The following PTPN21 variants were observed in gnomAD, a reference collection of about 807,000 sequenced individuals.
The protein encoded by PTPN21 is tyrosine-protein phosphatase non-receptor type 21.
A neutral mutation model predicts 131.8 loss-of-function variants in PTPN21; 77 were observed. That is an observed-to-expected ratio of 0.58 (90% CI 0.49 to 0.71). The LOEUF (loss-of-function observed/expected upper bound fraction) is 0.71, where lower values mean the gene tolerates loss of function less well. Ranked by LOEUF, PTPN21 falls within the 30% of genes least tolerant of loss-of-function variation. The pLI is 0.00. For synonymous variants in PTPN21, 715 were observed against 621.3 expected, an observed-to-expected ratio of 1.15 and a Z score of -2.24; for missense variants, 1,552 against 1,527.1, an observed-to-expected ratio of 1.02 and a Z score of -0.27.
intron 10 of PTPN21, among the ~76,000 whole-genome samples, chr14:88,491,652 A>C (rs1172782324): frequency 4.6e-5 from 7 of 152,244 alleles, no homozygotes; most frequent in Non-Finnish European, 8.8e-5. Flanking sequence ...TAATATTAAA[A>C]GCTTCATTTA....
intron 12 of PTPN21, among the ~76,000 whole-genome samples, chr14:88,484,175 G>T (rs1236115404): frequency 7.3e-5 from 11 of 150,864 alleles, no homozygotes; most frequent in Admixed American, 6.6e-4. Context: ...AGCCTCCTGA[G>T]TAGCTGGGAC....
intron 3 of PTPN21, among the ~76,000 whole-genome samples, chr14:88,511,360 C>T (rs904648384): frequency 6.6e-6 from 1 of 152,028 alleles, no homozygotes; most frequent in Admixed American, 6.6e-5. Flanking sequence ...CTGAAGATGG[C>T]TTATAAATAT....
chr14:88,477,103 G>C (rs1235500427), intron 13 of PTPN21, among the ~76,000 whole-genome samples: 1 of 151,360 alleles, frequency 6.6e-6, no homozygotes, highest in African/African-American at 2.4e-5. Context: ...TTCAGGTAGA[G>C]TTACTTTGGA....
intron 8 of PTPN21, among the ~76,000 whole-genome samples, chr14:88,500,522 A>G (rs2140129904): frequency 6.6e-6 from 1 of 152,350 alleles, no homozygotes; most frequent in African/African-American, 2.4e-5. Context: ...ATATGGCACA[A>G]AAAGGGTCAC....
At chr14:88,506,821 C>T (rs2139286144) in intron 4 of PTPN21, among the ~76,000 whole-genome samples, 1 of 152,220 alleles carries the variant, frequency 6.6e-6, no homozygotes, top group South Asian at 2.1e-4. Context: ...GCAGGTGGAT[C>T]ACCTGAGGTC....
At chr14:88,518,410 ATATATTTTTTTTTTTTTTTTT>A (rs1294297124) in intron 2 of PTPN21, among the ~76,000 whole-genome samples, 2 of 16,986 alleles carry the variant, frequency 1.2e-4, no homozygotes, top group Admixed American at 1.6e-3. Context: ...ATATATATAT[ATATATTTTTTTTTTTTTTTTT>A]TTTTTTTTTT....
intron 12 of PTPN21, among the ~76,000 whole-genome samples, chr14:88,482,920 G>A (rs1006057792): frequency 5.3e-5 from 8 of 151,546 alleles, no homozygotes; most frequent in African/African-American, 1.5e-4. Context: ...ACTCTTATAA[G>A]TCAGTGAGAA....
At chr14:88,511,032 C>T (rs2078171281) in intron 3 of PTPN21, among the ~76,000 whole-genome samples, 1 of 151,880 alleles carries the variant, frequency 6.6e-6, no homozygotes, top group South Asian at 2.1e-4. Flanking sequence ...TGAGCCTCAG[C>T]CTCCTGAGTA....
chr14:88,472,251 T>A lies in PTPN21; in HGVS notation c.2864A>T (p.His955Leu), dbSNP rs2077482992. The A allele has an allele frequency of 6.2e-7, 1 of 1,602,410 alleles. No homozygotes were observed. The highest frequency in any genetic ancestry group is 8.5e-7 in the Non-Finnish European group (1 of 1,169,712). Residue 955 changes from histidine to leucine, a missense_variant, in exon 15 of 19, where the codon CAT becomes CTT. Around this residue, in one of 4 missense-constraint regions of PTPN21, gnomAD observed 316 missense variants for 378.5 expected, o/e 0.83. Transcript: ENST00000556564. Reference sequence around the variant, plus strand: ...TTGAGGCGTTCCTCTCACCTTAATATGTGATGCGTTGATGTAACCAGTGTT... The same window carrying A: ...TTGAGGCGTTCCTCTCACCTTAATAAGTGATGCGTTGATGTAACCAGTGTT... ...ENNTGYINAS[H>L]IKVSVSGIEW...
At chr14:88,501,983 A>C (rs572421667) in intron 6 of PTPN21, among the ~76,000 whole-genome samples, 4 of 152,168 alleles carry the variant, frequency 2.6e-5, no homozygotes, top group East Asian at 1.9e-4. Flanking sequence ...ACAAAAAAAA[A>C]CAAAAATAAA....
At chr14:88,534,571 T>C (rs2139345165) in intron 2 of PTPN21, among the ~76,000 whole-genome samples, 1 of 152,268 alleles carries the variant, frequency 6.6e-6, no homozygotes, top group East Asian at 1.9e-4. Flanking sequence ...TATAGTAAGC[T>C]GAGGTTAATT....
intron 2 of PTPN21, among the ~76,000 whole-genome samples, chr14:88,518,273 T>TATATATATATATATACAC (rs763756368): frequency 1.3e-4 from 9 of 68,220 alleles, no homozygotes; most frequent in African/African-American, 6.5e-4. Context: ...TATATATATA[T>TATATATATATATATACAC]ACACACACAC....
intron 2 of PTPN21, among the ~76,000 whole-genome samples, chr14:88,519,873 G>A (rs1472460900): frequency 6.6e-6 from 1 of 152,138 alleles, no homozygotes; most frequent in Non-Finnish European, 1.5e-5. Context: ...TCCAAGAGCT[G>A]TAGAGATACC....
At chr14:88,523,401 T>C (rs1003355674) in intron 2 of PTPN21, among the ~76,000 whole-genome samples, 2 of 151,974 alleles carry the variant, frequency 1.3e-5, no homozygotes, top group Non-Finnish European at 2.9e-5. Context: ...TCCTTAATGA[T>C]AAAAAACACC....
rs763756368 is a variant in PTPN21, at chr14:88,518,273, T to TATATATATAC, written c.181-1013_181-1012insGTATATATAT. ...AAAAAAAAATATATATATATATATATACACACACACATACGCACACACACA... is the reference window on the plus strand; with the variant it reads ...AAAAAAAAATATATATATATATATATATATATATACACACACACACATACGCACACACACA... On this transcript the variant is annotated intron_variant, in intron 2 of 18. Transcript: ENST00000556564. 1.5e-3 allele frequency among the ~76,000 whole-genome samples: 99 copies of TATATATATAC among 68,212 alleles called. 3 individuals are homozygous for TATATATATAC. Among genetic ancestry groups the TATATATATAC allele is most frequent in the African/African-American group, 5.2e-3 (72 of 13,818 alleles). The allele number at this position is 68,212 out of a possible 152,430, so 44.7% of individuals were successfully genotyped here.
In PTPN21 at chr14:88,468,829, G is replaced by T. The variant is rs992643490; in HGVS notation, c.3396+87C>A. 3.9e-6 allele frequency: 6 copies of T among 1,539,876 alleles called. No homozygotes were observed. The African/African-American group carries it at 6.8e-5, about 17-fold the overall frequency. On this transcript the variant is annotated intron_variant, in intron 18 of 18. Transcript: ENST00000556564. ...GCCACCACAGTCCAAGGAAATGTGC[G>T]CAAAAAGAGCTATTAAGTCACTATG...
At chr14:88,523,211 C>T (rs1385259202) in intron 2 of PTPN21, among the ~76,000 whole-genome samples, 2 of 151,916 alleles carry the variant, frequency 1.3e-5, no homozygotes, top group Non-Finnish European at 2.9e-5. Context: ...TATTAAAAAA[C>T]TGAGTCTAAC....
chr14:88,492,970 G>A (rs73315961), intron 10 of PTPN21: 6,787 of 406,260 alleles, frequency 0.017, 405 homozygotes, highest in African/African-American at 0.13. Flanking sequence ...TGATCTGTCA[G>A]TTGATATCTG....
intron 2 of PTPN21, among the ~76,000 whole-genome samples, chr14:88,544,775 T>C (rs1001529457): frequency 1.3e-5 from 2 of 152,150 alleles, no homozygotes; most frequent in African/African-American, 4.8e-5. Flanking sequence ...CAAAGGAATT[T>C]GTCTGGTCCT....
Sources: gnomAD v4.1 joint callset for allele counts (sites outside exome capture counted in the v4.1 genomes callset) on GRCh38, gnomAD v4.1.1 for gene constraint, gnomAD v4.1.1 regional missense constraint, MANE v1.5 for transcripts, NCBI Gene and HGNC (gene_info 2026-07-23, HGNC 2026-07-21) for gene names.